The following EDARADD variants were observed in gnomAD, a reference collection of about 807,000 sequenced individuals.
EDARADD encodes the protein ectodysplasin-A receptor-associated adapter protein.
A neutral mutation model predicts 25.6 loss-of-function variants in EDARADD; 20 were observed. The observed-to-expected ratio is 0.78, with a 90% CI of 0.55 to 1.14. The LOEUF (loss-of-function observed/expected upper bound fraction) is 1.14, where lower values mean the gene tolerates loss of function less well. Ranked by LOEUF, EDARADD falls within the 50% of genes most tolerant of loss-of-function variation. The pLI is 0.00. For synonymous variants in EDARADD, 86 were observed against 94.4 expected, an observed-to-expected ratio of 0.91 and a Z score of 0.52; for missense variants, 225 against 270.1, an observed-to-expected ratio of 0.83 and a Z score of 1.17.
intron 4 of EDARADD, among the ~76,000 whole-genome samples, chr1:236,451,522 A>G (rs1189828011): frequency 6.6e-6 from 1 of 151,918 alleles, no homozygotes; most frequent in Non-Finnish European, 1.5e-5. Context: ...TCCCAGGTTC[A>G]AGGAATTCTC....
chr1:236,476,111 G>C (rs1233598850), intron 5 of EDARADD, among the ~76,000 whole-genome samples: 1 of 152,086 alleles, frequency 6.6e-6, no homozygotes, highest in Non-Finnish European at 1.5e-5. Context: ...AGAATCGCTG[G>C]AACCTGGTAG....
intron 3 of EDARADD, among the ~76,000 whole-genome samples, chr1:236,427,132 C>T (rs1657942366): frequency 6.6e-6 from 1 of 152,040 alleles, no homozygotes; most frequent in Non-Finnish European, 1.5e-5. Context: ...TCCGCCTGCC[C>T]CTGTCTCTTA....
chr1:236,402,259 G>C (rs1667626429), intron 1 of EDARADD, among the ~76,000 whole-genome samples: 1 of 152,150 alleles, frequency 6.6e-6, no homozygotes, highest in Non-Finnish European at 1.5e-5. Flanking sequence ...ACTGTGCCCA[G>C]CCCACTTCTA....
intron 1 of EDARADD, among the ~76,000 whole-genome samples, chr1:236,408,505 A>G (rs1013570693): frequency 1.3e-5 from 2 of 151,902 alleles, no homozygotes; most frequent in African/African-American, 4.8e-5. Flanking sequence ...CGTCTGGCCT[A>G]TAGTTTCTTT....
At chr1:236,412,068 A>T (rs1657506150) in intron 2 of EDARADD, among the ~76,000 whole-genome samples, 1 of 152,146 alleles carries the variant, frequency 6.6e-6, no homozygotes, top group South Asian at 2.1e-4. Context: ...GACATGGGAG[A>T]TGAGGTCCTC....
chr1:236,359,301 G>C (rs1667018448), intron 3 of EDARADD, among the ~76,000 whole-genome samples: 1 of 152,148 alleles, frequency 6.6e-6, no homozygotes, highest in Non-Finnish European at 1.5e-5. Context: ...AACAATCTTA[G>C]GAATTGGAAT....
Position 236,362,987 on chromosome 1 carries a change from GAAA to G in EDARADD, c.-6+12166_-6+12168del, listed in dbSNP as rs577963160. ...TCAAGACTCTGTCTTCTTTTTTTAAGAAAAAAAAAAAAAAAAAAAATATATATA... is the reference window on the plus strand; with the variant it reads ...TCAAGACTCTGTCTTCTTTTTTTAAGAAAAAAAAAAAAAAAAATATATATA... On this transcript the variant is annotated intron_variant, in intron 3 of 7. Transcript: ENST00000439430. Among the ~76,000 whole-genome samples the G allele has an allele frequency of 5.1e-3, 152 of 29,544 alleles. 3 individuals are homozygous for G. The highest frequency in any genetic ancestry group is 8.8e-3 in the African/African-American group (56 of 6,342). 19.4% of individuals were successfully genotyped at this position (29,544 alleles called of 152,430 possible).
chr1:236,408,481 G>C (rs1379092737), intron 1 of EDARADD, among the ~76,000 whole-genome samples: 2 of 152,164 alleles, frequency 1.3e-5, no homozygotes, highest in Non-Finnish European at 2.9e-5. Flanking sequence ...TGGGATTACA[G>C]GCGTGAGCCA....
chr1:236,463,914 A>G (rs1659108381), intron 4 of EDARADD, among the ~76,000 whole-genome samples: 1 of 152,200 alleles, frequency 6.6e-6, no homozygotes, highest in African/African-American at 2.4e-5. Flanking sequence ...GCCCAGTGGA[A>G]CAGGCATCCT....
intron 4 of EDARADD, among the ~76,000 whole-genome samples, chr1:236,437,755 T>A (rs929081917): frequency 4.3e-5 from 6 of 139,614 alleles, no homozygotes; most frequent in African/African-American, 1.8e-4. Flanking sequence ...TTTTTTTTTT[T>A]TTTTTTTTTT....
intron 3 of EDARADD, among the ~76,000 whole-genome samples, chr1:236,373,613 G>T (rs1667195162): frequency 6.6e-6 from 1 of 152,066 alleles, no homozygotes; most frequent in Non-Finnish European, 1.5e-5. Context: ...CCAGCTTTTG[G>T]TTTTGTTGAT....
At chr1:236,365,820 C>T (rs1320337670) in intron 3 of EDARADD, among the ~76,000 whole-genome samples, 1 of 152,118 alleles carries the variant, frequency 6.6e-6, no homozygotes, top group Admixed American at 6.5e-5. Context: ...TGATTTTTCT[C>T]ACAGTATGTC....
chr1:236,349,924 C>T (rs1258473883), intron 2 of EDARADD, among the ~76,000 whole-genome samples: 2 of 152,112 alleles, frequency 1.3e-5, no homozygotes, highest in Non-Finnish European at 2.9e-5. Context: ...CCAGCCTGGC[C>T]AACATGGCGA....
At chr1:236,457,401 G>C (rs1297719099) in intron 4 of EDARADD, among the ~76,000 whole-genome samples, 1 of 151,442 alleles carries the variant, frequency 6.6e-6, no homozygotes, top group Admixed American at 6.6e-5. Flanking sequence ...TGTAGTCGCA[G>C]CTACTCGGGA....
At chr1:236,382,209 T>C (rs556222795) in intron 3 of EDARADD, among the ~76,000 whole-genome samples, 1 of 152,298 alleles carries the variant, frequency 6.6e-6, no homozygotes, top group Non-Finnish European at 1.5e-5. Context: ...CTAAAGTTAC[T>C]TTTCCCTTCA....
chr1:236,476,998 A>G (rs549473654), intron 5 of EDARADD, among the ~76,000 whole-genome samples: 98 of 151,782 alleles, frequency 6.5e-4, no homozygotes, highest in African/African-American at 2.2e-3. Context: ...TCTCAAAAAT[A>G]TATATAGTAT....
Position 236,414,303 on chromosome 1 carries a change from T to G in EDARADD, c.160+4T>G, listed in dbSNP as rs370538737. 10 of 1,606,440 alleles carry G rather than the reference T, an allele frequency of 6.2e-6. No individual in the cohort carries two copies. The South Asian group carries it at 7.7e-5, about 12-fold the overall frequency. ...CAAGATACGGAACTCCCTAAAGGTA[T>G]GTACAGTTAAAATAACTACTTGAAC... On this transcript the variant is annotated splice_donor_region_variant and intron_variant, in intron 3 of 5. Coordinates refer to ENST00000334232, the MANE Select transcript of EDARADD (RefSeq NM_145861.4).
chr1:236,387,408 C>T (rs1465544303), intron 3 of EDARADD, among the ~76,000 whole-genome samples: 1 of 43,014 alleles, frequency 2.3e-5, no homozygotes, highest in Non-Finnish European at 5.1e-5. Flanking sequence ...CCAGCCGCCC[C>T]GTCCGGGAGG....
intron 3 of EDARADD, among the ~76,000 whole-genome samples, chr1:236,352,158 T>C (rs919836726): frequency 3.3e-5 from 5 of 152,194 alleles, no homozygotes; most frequent in African/African-American, 1.2e-4. Context: ...TGGCTGCTCA[T>C]GTGAAACTGC....
Sources: allele counts gnomAD v4.1 joint callset (sites outside exome capture counted in the v4.1 genomes callset), GRCh38; gene constraint gnomAD v4.1.1; transcripts MANE v1.5; gene names NCBI Gene and HGNC (gene_info 2026-07-23, HGNC 2026-07-21).